The following TREM1 variants were observed in gnomAD, a reference collection of about 807,000 sequenced individuals.
The protein encoded by TREM1 is triggering receptor expressed on monocytes 1.
A neutral mutation model predicts 22.4 loss-of-function variants in TREM1; 16 were observed. That is an observed-to-expected ratio of 0.71 (90% CI 0.48 to 1.08). TREM1 has a LOEUF of 1.08. Ranked by LOEUF, TREM1 falls within the 50% of genes least tolerant of loss-of-function variation. TREM1 has a pLI of 0.00. For synonymous variants in TREM1, 110 were observed against 111.6 expected (o/e 0.99, Z 0.09); for missense variants, 283 against 282.9 (o/e 1.00, Z 0.00).
intron 3 of TREM1, among the ~76,000 whole-genome samples, chr6:41,279,078 C>A (rs781712841): frequency 2.0e-5 from 3 of 152,364 alleles, no homozygotes; most frequent in South Asian, 2.1e-4. Context: ...CAGCCCTCCC[C>A]CTTCCACCAC....
At chr6:41,270,440 TTATATAATATATATATATATA>T (rs1228939779), downstream of TREM1, among the ~76,000 whole-genome samples, 779 of 72,370 alleles carry the variant, frequency 0.011, 19 homozygotes, top group African/African-American at 0.037. Context: ...ATATATGATA[TTATATAATATATATATATATA>T]TATATATATA....
Position 41,283,715 on chromosome 6 carries a change from A to ACACAC in TREM1, c.50-965_50-964insGTGTG, listed in dbSNP as rs1554147912. 5.8e-4 allele frequency among the ~76,000 whole-genome samples: 78 copies of ACACAC among 134,650 alleles called. 1 individual carries two copies. In the South Asian group the frequency reaches 0.014, roughly 25 times the overall value. The allele number at this position is 134,650 out of a possible 152,430, so 88.3% of individuals were successfully genotyped here. A position where few individuals can be genotyped will look rare whatever the true frequency, so the allele number is the denominator to read the frequency against. ...CCACAGGGCAAGACTCTGTTAAAAA[A>ACACAC]AAAAACACACACACACACACACACA... On this transcript the variant is annotated intron_variant, in intron 1 of 3. Coordinates refer to ENST00000244709, the MANE Select transcript of TREM1 (RefSeq NM_018643.5).
rs1261548957 is a variant in TREM1, at chr6:41,274,471, G to T, written c.*1654C>A. ...CAATGCTGGGATTGCTAAAGTGTGG[G>T]GTTCCAGACCAGCAAGCTCAGCATT... On this transcript the variant is annotated 3_prime_UTR_variant, in exon 4 of 4. Coordinates refer to ENST00000244709, the MANE Select transcript of TREM1 (RefSeq NM_018643.5). Among the ~76,000 whole-genome samples, 1 of 152,052 alleles carries T rather than the reference G, an allele frequency of 6.6e-6. No individual in the cohort carries two copies. Among genetic ancestry groups the T allele is most frequent in the Non-Finnish European group, 1.5e-5 (1 of 68,026 alleles).
Position 41,283,136 on chromosome 6 carries a change from C to T in TREM1, c.50-385G>A, listed in dbSNP as rs201686721. 2.5e-3 allele frequency among the ~76,000 whole-genome samples: 388 copies of T among 152,248 alleles called. 1 individual carries two copies. Among genetic ancestry groups the T allele is most frequent in the African/African-American group, 8.9e-3 (368 of 41,532 alleles). On this transcript the variant is annotated intron_variant, in intron 1 of 3. Transcript: ENST00000244709. The stretch of plus-strand genomic sequence containing the variant: ...AAGGGCGTATGACATAAAAAGTGAA[C>T]GCAAAGACACGGTGCTAGCAGAGAG...
Position 41,282,440 on chromosome 6 carries a change from C to G in TREM1, c.361G>C (p.Glu121Gln). The change falls in exon 2 of 4, where the codon GAG becomes CAG. Residue 121 changes from glutamate (E) to glutamine (Q), a missense_variant. Coordinates refer to ENST00000244709, the MANE Select transcript of TREM1 (RefSeq NM_018643.5). ...ATGCGATCGAACAGCATGTGAGGCTCCTTGGGAGGCTGGTAGATCACACAC... is the reference window on the plus strand; with the variant it reads ...ATGCGATCGAACAGCATGTGAGGCTGCTTGGGAGGCTGGTAGATCACACAC... The part of the protein sequence containing the change: ...YQCVIYQPPK[E>Q]PHMLFDRIRL... The G allele has an allele frequency of 1.2e-6, 2 of 1,614,078 alleles. No individual in the cohort carries two copies. Among genetic ancestry groups the G allele is most frequent in the Non-Finnish European group, 1.7e-6 (2 of 1,179,992 alleles).
chr6:41,271,390 T>C (rs1391367066), downstream of TREM1, among the ~76,000 whole-genome samples: 1 of 152,088 alleles, frequency 6.6e-6, no homozygotes, highest in African/African-American at 2.4e-5. Context: ...ATACATAGAG[T>C]GTGGCTGAGA....
At position 41,280,852 on chromosome 6, in the gene TREM1, T is replaced by C. The variant is rs1428468841; in HGVS notation, c.599+109A>G. 4 of 1,562,554 alleles carry C rather than the reference T, an allele frequency of 2.6e-6. No individual in the cohort carries two copies. The African/African-American group carries it at 4.1e-5, about 16-fold the overall frequency. The stretch of plus-strand genomic sequence containing the variant: ...CCAGACTAATGTGACTCAAGTCTTC[T>C]CCTGCCCCACCCTCCCCTTTCCCTC... On this transcript the variant is annotated intron_variant, in intron 3 of 3. Transcript: ENST00000244709.
chr6:41,277,659 C>A (rs746650845), intron 3 of TREM1, among the ~76,000 whole-genome samples: 4 of 152,186 alleles, frequency 2.6e-5, no homozygotes, highest in African/African-American at 4.8e-5. Context: ...AGCTACCAAC[C>A]CCCTGAAGGG....
At chr6:41,270,064 G>A (rs1372624879), downstream of TREM1, 2 of 152,154 alleles carry the variant, frequency 1.3e-5, no homozygotes, top group African/African-American at 4.8e-5. Flanking sequence ...TTTGTTTCTA[G>A]TCTCCATGAG....
chr6:41,272,769 C>G (rs543015134), downstream of TREM1, among the ~76,000 whole-genome samples: 110 of 152,130 alleles, frequency 7.2e-4, 1 homozygote, highest in Non-Finnish European at 1.3e-3. Flanking sequence ...CATGGAGACC[C>G]CAGTTATAAC....
intron 1 of TREM1, among the ~76,000 whole-genome samples, chr6:41,285,764 T>A (rs946703190): frequency 1.8e-4 from 27 of 152,272 alleles, no homozygotes; most frequent in African/African-American, 6.5e-4. Flanking sequence ...CTTCTGCCCA[T>A]CTAGATTATC....
intron 1 of TREM1, among the ~76,000 whole-genome samples, chr6:41,286,011 G>C (rs1369513208): frequency 6.6e-6 from 1 of 152,230 alleles, no homozygotes; most frequent in Non-Finnish European, 1.5e-5. Context: ...GATGTGAGCT[G>C]TGCGGATCGT....
At position 41,281,129 on chromosome 6, in the gene TREM1, T is replaced by C. The variant is rs551570701; in HGVS notation, c.431A>G (p.Asn144Ser). Residue 144 changes from asparagine to serine, a missense_variant, in exon 3 of 4, where the codon AAT becomes AGT. Physicochemically the swap from Asn to Ser is conservative, Grantham distance 46 (BLOSUM62 1). Coordinates refer to ENST00000244709, the MANE Select transcript of TREM1 (RefSeq NM_018643.5). The part of the protein sequence containing the change: ...TKGFSGTPGS[N>S]ENSTQNVYKI... ...ATACACATTCTGGGTAGAATTCTCATTGGAGCCAGGGGTCCCTGAAAAACC... is the reference window on the plus strand; with the variant it reads ...ATACACATTCTGGGTAGAATTCTCACTGGAGCCAGGGGTCCCTGAAAAACC... 1.5e-5 allele frequency: 25 copies of C among 1,613,998 alleles called. No homozygotes were observed. The highest frequency in any genetic ancestry group is 1.1e-4 in the African/African-American group (8 of 75,028).
At chr6:41,271,263 GC>G (rs1767472977), downstream of TREM1, among the ~76,000 whole-genome samples, 1 of 152,160 alleles carries the variant, frequency 6.6e-6, no homozygotes, top group South Asian at 2.1e-4. Flanking sequence ...TGAGCCAAGG[GC>G]TTTCCATACA....
downstream of TREM1, among the ~76,000 whole-genome samples, chr6:41,271,332 G>A (rs9349187): frequency 0.81 from 123,782 of 152,078 alleles, 51,407 homozygotes; most frequent in East Asian, 0.95. Context: ...TCCATTTACA[G>A]TGAGGAAACT....
rs754900185 is a variant in TREM1 at position 41,281,141 on chromosome 6, G to A, written c.419C>T (p.Thr140Ile). 6.2e-7 allele frequency: 1 copy of A among 1,613,482 alleles called. No individual in the cohort carries two copies. Among genetic ancestry groups the A allele is most frequent in the Non-Finnish European group, 8.5e-7 (1 of 1,179,510 alleles). Residue 140 changes from threonine (T) to isoleucine (I), a missense_variant, in exon 3 of 4, where the codon ACC becomes ATC. Coordinates refer to ENST00000244709, the MANE Select transcript of TREM1 (RefSeq NM_018643.5). ...GGTAGAATTCTCATTGGAGCCAGGG[G>A]TCCCTGAAAAACCTGCAAGAAGACA... is the stretch of plus-strand genomic sequence containing the variant. ...RLVVTKGFSG[T>I]PGSNENSTQN...
intron 2 of TREM1, chr6:41,281,858 G>C (rs1767933830): frequency 6.2e-6 from 1 of 161,664 alleles, no homozygotes; most frequent in Non-Finnish European, 1.4e-5. Flanking sequence ...CCAGTGAGTA[G>C]AGTTGTGTAC....
Position 41,282,394 on chromosome 6 carries a change from C to T in TREM1, c.406+1G>A, listed in dbSNP as rs1258597802. 6.2e-7 allele frequency: 1 copy of T among 1,603,976 alleles called. No individual in the cohort carries two copies. Among genetic ancestry groups the T allele is most frequent in the Non-Finnish European group, 8.5e-7 (1 of 1,173,452 alleles). ...TTCCCCCCAAGTCCCAGGCCACTCA[C>T]CCTTGGTCACCACCAAGCGGATGCG... On this transcript the variant is annotated splice_donor_variant, in intron 2 of 3. Transcript: ENST00000244709. LOFTEE classifies it high-confidence loss of function.
At chr6:41,285,143 A>T (rs968372053) in intron 1 of TREM1, among the ~76,000 whole-genome samples, 9 of 152,174 alleles carry the variant, frequency 5.9e-5, no homozygotes, top group African/African-American at 1.4e-4. Context: ...CCAGCTCCCC[A>T]GGGAAGGTGG....
Sources: gnomAD v4.1 joint callset for allele counts (sites outside exome capture counted in the v4.1 genomes callset) on GRCh38, gnomAD v4.1.1 for gene constraint, MANE v1.5 for transcripts, NCBI Gene and HGNC (gene_info 2026-07-23, HGNC 2026-07-21) for gene names.